Variants in SSBP2 observed in about 807,000 individuals in gnomAD.
SSBP2 encodes single-stranded DNA-binding protein 2.
A neutral mutation model predicts 61.8 loss-of-function variants in SSBP2; 17 were observed. The ratio of observed to expected loss-of-function variants is 0.28; its 90% CI spans 0.19 to 0.41. SSBP2 has a LOEUF of 0.41. Among genes scored for constraint, SSBP2 ranks in the 10% least tolerant of loss-of-function variants. The probability of loss-of-function intolerance (pLI) is 1.00; values close to 1 mark genes in which losing one functional copy is unlikely to be tolerated. For missense variants in SSBP2, 310 were observed against 458.7 expected (o/e 0.68, Z 2.96); for synonymous variants, 139 against 141.3 (o/e 0.98, Z 0.12).
chr5:81,748,997 T>C (rs1420032451), intron 1 of SSBP2, among the ~76,000 whole-genome samples: 2 of 152,198 alleles, frequency 1.3e-5, no homozygotes, highest in Non-Finnish European at 2.9e-5. Flanking sequence ...TTACTTTGAT[T>C]CTCAAATTCA....
intron 4 of SSBP2, among the ~76,000 whole-genome samples, chr5:81,585,528 T>C (rs1012222484): frequency 8.6e-5 from 13 of 151,822 alleles, no homozygotes; most frequent in Non-Finnish European, 8.8e-5. Context: ...AAAAAAAATC[T>C]GCAATTGACA....
chr5:81,710,803 G>T, intron 1 of SSBP2: 2 of 392,994 alleles, frequency 5.1e-6, no homozygotes, highest in Non-Finnish European at 1.0e-5. Context: ...TTTAATATAA[G>T]GAATAGGCAA....
chr5:81,440,562 A>G lies in SSBP2; in HGVS notation c.924T>C (p.Ser308=). ...CATCAAATTGAAAAGCCTTACCTAA[A>G]GAGCCATTCATGTGATGTGACTCCA... Residue 308 remains serine, a synonymous_variant, in exon 14 of 17, where the codon TCT becomes TCC. Coordinates refer to ENST00000320672, the MANE Select transcript of SSBP2 (RefSeq NM_012446.5). The G allele has an allele frequency of 6.2e-7, 1 of 1,612,966 alleles. No individual in the cohort carries two copies.
intron 13 of SSBP2, among the ~76,000 whole-genome samples, chr5:81,442,451 A>G (rs559481015): frequency 6.6e-6 from 1 of 152,124 alleles, no homozygotes; most frequent in South Asian, 2.1e-4. Context: ...TTTTACTTTT[A>G]AATTATATTG....
intron 15 of SSBP2, among the ~76,000 whole-genome samples, chr5:81,433,592 T>TAA (rs532034844): frequency 1.3e-4 from 14 of 104,002 alleles, no homozygotes; most frequent in African/African-American, 3.3e-4. Flanking sequence ...GAATGATCAA[T>TAA]AAAAAAAAAA....
rs1285978234 is a variant in SSBP2, at chr5:81,413,381, G to A, written c.*7123C>T. The A allele has an allele frequency of 6.6e-6, 1 of 152,156 alleles. No individual in the cohort carries two copies. 9.4% of individuals were successfully genotyped at this position (152,156 alleles called of 1,614,324 possible). A position where few individuals can be genotyped will look rare whatever the true frequency, so the allele number is the denominator to read the frequency against. On this transcript the variant is annotated 3_prime_UTR_variant, in exon 17 of 17. Transcript: ENST00000320672. ...GGTGGCCATCGTTGAATTAAGAATAGTAGATTACTAAGAGTCATCCCAGAT... is the reference window on the plus strand; with the variant it reads ...GGTGGCCATCGTTGAATTAAGAATAATAGATTACTAAGAGTCATCCCAGAT...
chr5:81,653,100 C>G (rs1223162822), intron 1 of SSBP2, among the ~76,000 whole-genome samples: 1 of 152,058 alleles, frequency 6.6e-6, no homozygotes, highest in African/African-American at 2.4e-5. Flanking sequence ...CTCCCTTACC[C>G]CCTCACCCAC....
Position 81,420,888 on chromosome 5 carries a change from G to GT in SSBP2, c.1057-356dup, listed in dbSNP as rs1161460127. ...TAGTCCAAGGCTGGATCATAACTAA[G>GT]TAAGTATGAGGTCTAGTCTTTGCTG... is the stretch of plus-strand genomic sequence containing the variant. On this transcript the variant is annotated intron_variant, in intron 16 of 16. Coordinates refer to ENST00000320672, the MANE Select transcript of SSBP2 (RefSeq NM_012446.5). Among the ~76,000 whole-genome samples, 12 of 152,202 alleles carry GT rather than the reference G, an allele frequency of 7.9e-5. 1 individual carries two copies. The highest frequency in any genetic ancestry group is 2.9e-4 in the African/African-American group (12 of 41,530).
Position 81,505,426 on chromosome 5 carries a change from C to A in SSBP2, c.372+8202G>T, listed in dbSNP as rs561863546. ...AATATATGCTTAAGACAAATCTATT[C>A]CCCCTAAATATGTAATTAATAGTAT... On this transcript the variant is annotated intron_variant, in intron 5 of 16. Coordinates refer to ENST00000320672, the MANE Select transcript of SSBP2 (RefSeq NM_012446.5). Among the ~76,000 whole-genome samples, 6 of 152,230 alleles carry A rather than the reference C, an allele frequency of 3.9e-5. No homozygotes were observed. In the South Asian group the frequency reaches 1.2e-3, roughly 32 times the overall value.
rs1249337379 is a variant in SSBP2 at position 81,638,097 on chromosome 5, C to T, written c.136-1479G>A. 4.2e-5 allele frequency among the ~76,000 whole-genome samples: 4 copies of T among 96,284 alleles called. 1 individual carries two copies. In the East Asian group the frequency reaches 1.1e-3, roughly 28 times the overall value. 63.2% of individuals were successfully genotyped at this position (96,284 alleles called of 152,430 possible). ...GAAGGGGAAAATCACACTCTGGGGA[C>T]TGTTGTGGGGTGGGGGGAGGGGGGA... On this transcript the variant is annotated intron_variant, in intron 2 of 16. Coordinates refer to ENST00000320672, the MANE Select transcript of SSBP2 (RefSeq NM_012446.5).
chr5:81,713,265 T>G (rs1754920280), intron 1 of SSBP2, among the ~76,000 whole-genome samples: 1 of 151,766 alleles, frequency 6.6e-6, no homozygotes, highest in African/African-American at 2.4e-5. Context: ...TAAAAAAAAA[T>G]CTGTTTAAAA....
chr5:81,544,872 A>G (rs1390169222), intron 4 of SSBP2, among the ~76,000 whole-genome samples: 3 of 152,192 alleles, frequency 2.0e-5, no homozygotes, highest in Non-Finnish European at 4.4e-5. Context: ...AAGTGATAAC[A>G]AGGTGCTTCC....
At chr5:81,677,909 C>T (rs190760630) in intron 1 of SSBP2, among the ~76,000 whole-genome samples, 4 of 151,536 alleles carry the variant, frequency 2.6e-5, no homozygotes, top group East Asian at 3.9e-4. Flanking sequence ...TATCACAGGA[C>T]TATAAAAGGC....
At chr5:81,676,742 C>A (rs1752016825) in intron 1 of SSBP2, among the ~76,000 whole-genome samples, 1 of 151,960 alleles carries the variant, frequency 6.6e-6, no homozygotes, top group Admixed American at 6.6e-5. Context: ...AGAAATTACG[C>A]AAATAAATAA....
chr5:81,661,232 T>C (rs1750668216), intron 1 of SSBP2, among the ~76,000 whole-genome samples: 1 of 152,218 alleles, frequency 6.6e-6, no homozygotes, highest in Admixed American at 6.5e-5. Flanking sequence ...ATTTTGCATA[T>C]ATAGTCTATT....
Position 81,565,343 on chromosome 5 carries a change from T to C in SSBP2, c.282+50130A>G, listed in dbSNP as rs536514600. Among the ~76,000 whole-genome samples the C allele has an allele frequency of 1.5e-3, 225 of 152,268 alleles. 1 individual carries two copies. Among genetic ancestry groups the C allele is most frequent in the African/African-American group, 5.2e-3 (218 of 41,570 alleles). Reference sequence around the variant, plus strand: ...GGTTTTAAAAACATAATTTTAAACATATAGAACATAAAAAAAATTTGTAAA... The same window carrying C: ...GGTTTTAAAAACATAATTTTAAACACATAGAACATAAAAAAAATTTGTAAA... On this transcript the variant is annotated intron_variant, in intron 4 of 16. Transcript: ENST00000320672.
rs1486296096 is a variant in SSBP2, at chr5:81,442,689, T to G, written c.813A>C (p.Leu271Phe). 1.0e-5 allele frequency: 16 copies of G among 1,582,878 alleles called. No homozygotes were observed. The highest frequency in any genetic ancestry group is 1.3e-5 in the Non-Finnish European group (15 of 1,163,576). Residue 271 changes from leucine to phenylalanine, a missense_variant, in exon 13 of 17, where the codon TTA becomes TTC. Physicochemically the swap from Leu to Phe is conservative, Grantham distance 22 (BLOSUM62 0). Coordinates refer to ENST00000320672, the MANE Select transcript of SSBP2 (RefSeq NM_012446.5). Reference sequence around the variant, plus strand: ...TAGGTCCAGGAGGTACTGCATTCATTAAAGTATACATGTTATCACCAGAGT... The same window carrying G: ...TAGGTCCAGGAGGTACTGCATTCATGAAAGTATACATGTTATCACCAGAGT...
At chr5:81,603,495 C>G (rs1744583538) in intron 4 of SSBP2, among the ~76,000 whole-genome samples, 1 of 152,154 alleles carries the variant, frequency 6.6e-6, no homozygotes, top group Admixed American at 6.5e-5. Flanking sequence ...TAAGACCAGC[C>G]TAGATTCAAT....
At chr5:81,647,086 T>G (rs1203099753) in intron 2 of SSBP2, among the ~76,000 whole-genome samples, 3 of 152,190 alleles carry the variant, frequency 2.0e-5, no homozygotes, top group African/African-American at 7.2e-5. Flanking sequence ...ATCTCCAGGC[T>G]TCCATCTTTT....
Sources: gnomAD v4.1 joint callset for allele counts (sites outside exome capture counted in the v4.1 genomes callset) on GRCh38, gnomAD v4.1.1 for gene constraint, MANE v1.5 for transcripts, NCBI Gene and HGNC (gene_info 2026-07-23, HGNC 2026-07-21) for gene names.